The following ATRNL1 variants were observed in gnomAD, a reference collection of about 807,000 sequenced individuals.
ATRNL1 encodes the protein attractin-like protein 1.
ATRNL1 carries 95 observed loss-of-function variants against 182.7 expected under a neutral mutation model. That is an observed-to-expected ratio of 0.52 (90% CI 0.44 to 0.62). ATRNL1 has a LOEUF of 0.62. Ranked by LOEUF, ATRNL1 falls within the 20% of genes least tolerant of loss-of-function variation. ATRNL1 has a pLI of 0.00. For missense variants in ATRNL1, 1,471 were observed against 1,679.5 expected, an observed-to-expected ratio of 0.88 and a Z score of 2.17; for synonymous variants, 576 against 568.3, an observed-to-expected ratio of 1.01 and a Z score of -0.19.
intron 27 of ATRNL1, among the ~76,000 whole-genome samples, chr10:115,846,501 T>C (rs1950931985): frequency 6.6e-6 from 1 of 152,098 alleles, no homozygotes; most frequent in Admixed American, 6.6e-5. Flanking sequence ...CCTGAACAAA[T>C]CATTTGTTCT....
At chr10:115,360,052 G>A (rs1272122413) in intron 19 of ATRNL1, among the ~76,000 whole-genome samples, 1 of 151,492 alleles carries the variant, frequency 6.6e-6, no homozygotes, top group Non-Finnish European at 1.5e-5. Flanking sequence ...ATTCACATAT[G>A]ATATTTTATA....
intron 28 of ATRNL1, among the ~76,000 whole-genome samples, chr10:115,880,841 G>A (rs1315820785): frequency 2.0e-5 from 3 of 152,138 alleles, no homozygotes; most frequent in Non-Finnish European, 2.9e-5. Flanking sequence ...AATCAATGAG[G>A]TTTGAAAGGA....
chr10:115,584,483 T>G (rs1351221184), intron 26 of ATRNL1, among the ~76,000 whole-genome samples: 1 of 140,138 alleles, frequency 7.1e-6, no homozygotes, highest in Non-Finnish European at 1.6e-5. Flanking sequence ...CTTGGGAGAG[T>G]GTATGTATCG....
At chr10:115,623,664 G>C (rs1857915939) in intron 26 of ATRNL1, among the ~76,000 whole-genome samples, 1 of 151,908 alleles carries the variant, frequency 6.6e-6, no homozygotes, top group Non-Finnish European at 1.5e-5. Flanking sequence ...ATTAAATAGT[G>C]GGGGTAAACA....
At chr10:115,379,694 C>T (rs1360795439) in intron 19 of ATRNL1, among the ~76,000 whole-genome samples, 1 of 152,164 alleles carries the variant, frequency 6.6e-6, no homozygotes, top group Non-Finnish European at 1.5e-5. Flanking sequence ...ATGACAGTTT[C>T]CTTTATTCCC....
At chr10:115,249,696 T>A (rs894706232) in intron 10 of ATRNL1, among the ~76,000 whole-genome samples, 5 of 152,062 alleles carry the variant, frequency 3.3e-5, no homozygotes, top group Non-Finnish European at 7.4e-5. Flanking sequence ...TTCCAGAGAG[T>A]GTATATTATC....
At chr10:115,635,150 A>G (rs1407258327) in intron 26 of ATRNL1, among the ~76,000 whole-genome samples, 1 of 152,128 alleles carries the variant, frequency 6.6e-6, no homozygotes, top group African/African-American at 2.4e-5. Context: ...CCTGGACCAT[A>G]TTAAAGTAAG....
At chr10:115,395,335 G>A (rs2134282517) in intron 20 of ATRNL1, among the ~76,000 whole-genome samples, 1 of 151,908 alleles carries the variant, frequency 6.6e-6, no homozygotes, top group African/African-American at 2.4e-5. Flanking sequence ...TGTCTTTTTG[G>A]TAGAATGATT....
intron 26 of ATRNL1, among the ~76,000 whole-genome samples, chr10:115,621,284 G>T (rs61881121): frequency 0.039 from 3,315 of 84,504 alleles, 34 homozygotes; most frequent in African/African-American, 0.049. Context: ...TATAGAGAGA[G>T]AGAGAGAGAG....
intron 26 of ATRNL1, chr10:115,597,659 G>A (rs11197326): frequency 0.53 from 231,172 of 439,418 alleles, 64,207 homozygotes; most frequent in East Asian, 0.84. Context: ...TGCAACCTCC[G>A]CATCCTGGGT....
chr10:115,153,213 A>T (rs1300892431), intron 5 of ATRNL1, among the ~76,000 whole-genome samples: 24 of 152,168 alleles, frequency 1.6e-4, no homozygotes, highest in African/African-American at 5.6e-4. Flanking sequence ...CTTTGGTATC[A>T]GGATGATGCT....
intron 26 of ATRNL1, among the ~76,000 whole-genome samples, chr10:115,601,887 C>A (rs1856614361): frequency 6.6e-6 from 1 of 151,760 alleles, no homozygotes; most frequent in Admixed American, 6.6e-5. Flanking sequence ...CTATGTGTCT[C>A]CCATCTGGAT....
At chr10:115,333,331 C>T (rs932014866) in intron 18 of ATRNL1, among the ~76,000 whole-genome samples, 4 of 152,036 alleles carry the variant, frequency 2.6e-5, no homozygotes, top group Non-Finnish European at 5.9e-5. Context: ...ATATTAACAT[C>T]GAAACATGGA....
At chr10:115,849,625 C>G (rs1344731316) in intron 28 of ATRNL1, among the ~76,000 whole-genome samples, 1 of 152,110 alleles carries the variant, frequency 6.6e-6, no homozygotes, top group African/African-American at 2.4e-5. Flanking sequence ...GTACTTTACT[C>G]TTTCTAAAAT....
intron 24 of ATRNL1, among the ~76,000 whole-genome samples, chr10:115,480,332 G>A (rs532199865): frequency 1.9e-4 from 28 of 151,010 alleles, no homozygotes; most frequent in African/African-American, 6.8e-4. Flanking sequence ...TGCTGATGGA[G>A]TTGCCCTTGT....
At chr10:115,941,461 G>A (rs548821822) in intron 28 of ATRNL1, among the ~76,000 whole-genome samples, 3 of 152,264 alleles carry the variant, frequency 2.0e-5, no homozygotes, top group East Asian at 3.9e-4. Flanking sequence ...CTCCTCTCCC[G>A]ATGCTATATC....
chr10:115,368,992 G>T (rs1857235856), intron 19 of ATRNL1, among the ~76,000 whole-genome samples: 1 of 152,040 alleles, frequency 6.6e-6, no homozygotes, highest in Non-Finnish European at 1.5e-5. Context: ...GGGATTACAT[G>T]CATAAGCCAC....
At chr10:115,310,662 T>C (rs1853971117) in intron 17 of ATRNL1, among the ~76,000 whole-genome samples, 1 of 152,216 alleles carries the variant, frequency 6.6e-6, no homozygotes, top group Admixed American at 6.5e-5. Flanking sequence ...TGTATTTCTG[T>C]GATGTTGTTT....
chr10:115,517,131 A>C (rs1413534309), intron 24 of ATRNL1, among the ~76,000 whole-genome samples: 1 of 151,976 alleles, frequency 6.6e-6, no homozygotes, highest in Non-Finnish European at 1.5e-5. Flanking sequence ...TGATCAGATA[A>C]CTTTTAAAAG....
Sources: gnomAD v4.1 joint callset for allele counts (sites outside exome capture counted in the v4.1 genomes callset) on GRCh38, gnomAD v4.1.1 for gene constraint, MANE v1.5 for transcripts, NCBI Gene and HGNC (gene_info 2026-07-23, HGNC 2026-07-21) for gene names.